Variants in PIBF1 observed in about 807,000 individuals in gnomAD.
PIBF1 encodes the protein progesterone-induced-blocking factor 1.
A neutral mutation model predicts 112.5 loss-of-function variants in PIBF1; 90 were observed. The ratio of observed to expected loss-of-function variants is 0.80; its 90% CI spans 0.67 to 0.95. The LOEUF is 0.95. PIBF1 is among the 40% of genes least tolerant of loss of function. The probability of loss-of-function intolerance (pLI) is 0.00; values close to 1 mark genes in which losing one functional copy is unlikely to be tolerated. For synonymous variants in PIBF1, 301 were observed against 288.6 expected (o/e 1.04, Z -0.44); for missense variants, 915 against 852.3 (o/e 1.07, Z -0.92).
chr13:72,858,845 G>A (rs1594068357), intron 10 of PIBF1, among the ~76,000 whole-genome samples: 1 of 152,146 alleles, frequency 6.6e-6, no homozygotes, highest in East Asian at 1.9e-4. Flanking sequence ...AGTGAATAAA[G>A]GGAGTCAACA....
chr13:72,977,123 CT>C (rs1304716362), intron 16 of PIBF1, among the ~76,000 whole-genome samples: 1 of 152,120 alleles, frequency 6.6e-6, no homozygotes, highest in African/African-American at 2.4e-5. Flanking sequence ...ACCAAATGAA[CT>C]TTTTAAAGTT....
chr13:72,876,610 T>C (rs1168360568), intron 10 of PIBF1, among the ~76,000 whole-genome samples: 2 of 152,280 alleles, frequency 1.3e-5, no homozygotes, highest in South Asian at 2.1e-4. Flanking sequence ...TATCGGAGTT[T>C]TTAGTTTTCC....
chr13:72,859,402 T>C (rs2138358689), intron 10 of PIBF1, among the ~76,000 whole-genome samples: 1 of 152,266 alleles, frequency 6.6e-6, no homozygotes, highest in African/African-American at 2.4e-5. Context: ...TAGTAACTAC[T>C]GAAGGGCTTT....
chr13:72,959,436 A>G (rs989080698), intron 14 of PIBF1, among the ~76,000 whole-genome samples: 2 of 152,220 alleles, frequency 1.3e-5, no homozygotes, highest in African/African-American at 4.8e-5. Context: ...AGGATATGTG[A>G]CTGATTCTGT....
At chr13:72,825,339 A>G (rs1470670797) in intron 6 of PIBF1, among the ~76,000 whole-genome samples, 1 of 152,204 alleles carries the variant, frequency 6.6e-6, no homozygotes, top group Admixed American at 6.5e-5. Context: ...AATTCACACT[A>G]ATTATTTAGG....
At chr13:72,960,792 GT>G (rs2042583257) in intron 14 of PIBF1, among the ~76,000 whole-genome samples, 1 of 152,108 alleles carries the variant, frequency 6.6e-6, no homozygotes, top group Non-Finnish European at 1.5e-5. Flanking sequence ...GTAGAACTTA[GT>G]TTTATTTTTG....
chr13:72,966,620 A>AT (rs1384672085), intron 15 of PIBF1, among the ~76,000 whole-genome samples: 1 of 152,234 alleles, frequency 6.6e-6, no homozygotes, highest in Non-Finnish European at 1.5e-5. Context: ...AAATTTGAAT[A>AT]TTTTTTGGCC....
At chr13:72,861,831 AG>A (rs1195761634) in intron 10 of PIBF1, among the ~76,000 whole-genome samples, 4 of 152,186 alleles carry the variant, frequency 2.6e-5, no homozygotes, top group Non-Finnish European at 5.9e-5. Context: ...CAATCTTTGA[AG>A]CGAAAAATAT....
intron 10 of PIBF1, among the ~76,000 whole-genome samples, chr13:72,866,793 C>A (rs7996249): frequency 0.6 from 90,908 of 151,852 alleles, 27,883 homozygotes; most frequent in East Asian, 0.78. Context: ...ATGACTATTT[C>A]ATGTTTTATT....
intron 2 of PIBF1, among the ~76,000 whole-genome samples, chr13:72,784,768 T>C (rs368731953): frequency 5.9e-5 from 9 of 152,002 alleles, no homozygotes; most frequent in African/African-American, 1.7e-4. Flanking sequence ...AAAAAAATAA[T>C]AATAATAATT....
intron 14 of PIBF1, among the ~76,000 whole-genome samples, chr13:72,936,584 G>A (rs542927383): frequency 1.3e-5 from 2 of 152,288 alleles, no homozygotes; most frequent in South Asian, 4.1e-4. Flanking sequence ...AACTGTTGTA[G>A]CATCATTTGT....
intron 14 of PIBF1, among the ~76,000 whole-genome samples, chr13:72,961,049 A>T (rs867739961): frequency 5.8e-4 from 80 of 137,750 alleles, no homozygotes; most frequent in Admixed American, 2.3e-3. Flanking sequence ...TTTTTTTTTA[A>T]TTTTTTTTTG....
chr13:72,852,889 T>C (rs2038230383), intron 9 of PIBF1, among the ~76,000 whole-genome samples: 1 of 152,204 alleles, frequency 6.6e-6, no homozygotes, highest in Non-Finnish European at 1.5e-5. Context: ...ATTCAACTTA[T>C]GGTCCTCTTA....
chr13:72,783,495 CAAAA>C lies in PIBF1; in HGVS notation c.30_33del (p.Lys11Ter), dbSNP rs925772654. 6.2e-7 allele frequency: 1 copy of C among 1,602,872 alleles called. No individual in the cohort carries two copies. Among genetic ancestry groups the C allele is most frequent in the Admixed American group, 1.7e-5 (1 of 58,514 alleles). ...ATGTCTCGAAAAATTTCAAAGGAGT[CAAAA>C]AAAGTGAACATCTCTAGTTCTCTGG... On this transcript the variant is annotated frameshift_variant, in exon 2 of 18. Coordinates refer to ENST00000326291, the MANE Select transcript of PIBF1 (RefSeq NM_006346.4). LOFTEE classifies it high-confidence loss of function.
intron 12 of PIBF1, among the ~76,000 whole-genome samples, chr13:72,909,693 A>C (rs539479299): frequency 3.9e-5 from 6 of 151,928 alleles, no homozygotes; most frequent in African/African-American, 1.4e-4. Flanking sequence ...GGGTTTCTCC[A>C]TGTTGGTTAG....
intron 16 of PIBF1, among the ~76,000 whole-genome samples, chr13:72,985,252 G>A (rs2043248600): frequency 6.6e-6 from 1 of 151,256 alleles, no homozygotes; most frequent in South Asian, 2.1e-4. Context: ...GCCAGGCCGG[G>A]CGCAGTGGCT....
intron 10 of PIBF1, among the ~76,000 whole-genome samples, chr13:72,857,104 A>G (rs886368705): frequency 6.6e-6 from 1 of 152,206 alleles, no homozygotes; most frequent in African/African-American, 2.4e-5. Flanking sequence ...AACCAGACAA[A>G]TAAGTTCTGT....
intron 9 of PIBF1, among the ~76,000 whole-genome samples, chr13:72,851,073 G>A (rs753713580): frequency 1.3e-5 from 2 of 152,190 alleles, no homozygotes; most frequent in African/African-American, 2.4e-5. Flanking sequence ...GGCAGCAGCG[G>A]CCCATCTGGA....
intron 5 of PIBF1, among the ~76,000 whole-genome samples, chr13:72,814,672 A>G (rs927927997): frequency 2.0e-5 from 3 of 152,048 alleles, no homozygotes; most frequent in African/African-American, 7.2e-5. Context: ...TTTTATATCA[A>G]AATTCTTAGA....
Sources: gnomAD v4.1 joint callset for allele counts (sites outside exome capture counted in the v4.1 genomes callset) on GRCh38, gnomAD v4.1.1 for gene constraint, MANE v1.5 for transcripts, NCBI Gene and HGNC (gene_info 2026-07-23, HGNC 2026-07-21) for gene names.